Variants in NR2F1-AS1 observed in about 807,000 individuals in gnomAD.
NR2F1-AS1 encodes the protein NR2F1 antisense RNA 1.
intron 4 of NR2F1-AS1, among the ~76,000 whole-genome samples, chr5:93,480,586 G>A (rs1242250748): frequency 1.3e-5 from 2 of 152,044 alleles, no homozygotes; most frequent in Non-Finnish European, 2.9e-5. Flanking sequence ...TAACTACATA[G>A]GTAAATGTAA....
At chr5:93,478,195 A>G (rs1750526744) in intron 4 of NR2F1-AS1, among the ~76,000 whole-genome samples, 1 of 152,196 alleles carries the variant, frequency 6.6e-6, no homozygotes. Context: ...GTAAGTAGAA[A>G]GACATACAAT....
intron 4 of NR2F1-AS1, among the ~76,000 whole-genome samples, chr5:93,448,218 C>T (rs1317579732): frequency 6.6e-6 from 1 of 151,984 alleles, no homozygotes; most frequent in African/African-American, 2.4e-5. Context: ...CTTGCTGACT[C>T]CCACTTATAA....
At chr5:93,452,359 C>A (rs1316278308) in intron 4 of NR2F1-AS1, among the ~76,000 whole-genome samples, 1 of 152,098 alleles carries the variant, frequency 6.6e-6, no homozygotes, top group Non-Finnish European at 1.5e-5. Flanking sequence ...GGAAAACAAA[C>A]TAGCTGAGCC....
chr5:93,436,127 A>G (rs190524637), intron 4 of NR2F1-AS1, among the ~76,000 whole-genome samples: 724 of 152,348 alleles, frequency 4.8e-3, no homozygotes, highest in Non-Finnish European at 7.9e-3. Flanking sequence ...CTTTTCCTAC[A>G]GAACATTCTC....
intron 1 of NR2F1-AS1, among the ~76,000 whole-genome samples, chr5:93,577,077 G>A (rs1247508340): frequency 1.3e-5 from 2 of 152,222 alleles, no homozygotes; most frequent in Non-Finnish European, 2.9e-5. Flanking sequence ...TGCTAAGAAT[G>A]ATTGTCACTT....
chr5:93,494,341 T>C (rs1406743607), intron 4 of NR2F1-AS1, among the ~76,000 whole-genome samples: 1 of 152,154 alleles, frequency 6.6e-6, no homozygotes, highest in East Asian at 1.9e-4. Flanking sequence ...ATAAAAAATG[T>C]TGGCAAGAGC....
chr5:93,485,358 C>A (rs1448046374), intron 4 of NR2F1-AS1, among the ~76,000 whole-genome samples: 3 of 152,190 alleles, frequency 2.0e-5, no homozygotes, highest in African/African-American at 7.2e-5. Flanking sequence ...TGCTGAATGA[C>A]TATTCGGTAA....
intron 4 of NR2F1-AS1, among the ~76,000 whole-genome samples, chr5:93,518,113 T>C (rs1751433683): frequency 6.6e-6 from 1 of 152,046 alleles, no homozygotes; most frequent in Non-Finnish European, 1.5e-5. Context: ...ATTTTTTGAA[T>C]TATTATTATT....
chr5:93,548,928 T>C (rs555897751), intron 4 of NR2F1-AS1, among the ~76,000 whole-genome samples: 269 of 152,224 alleles, frequency 1.8e-3, no homozygotes, highest in Non-Finnish European at 3.2e-3. Context: ...TCTCTCCATT[T>C]CTAATTCCTT....
At chr5:93,508,251 T>C (rs1751226803) in intron 4 of NR2F1-AS1, among the ~76,000 whole-genome samples, 1 of 152,092 alleles carries the variant, frequency 6.6e-6, no homozygotes, top group Admixed American at 6.5e-5. Context: ...CATAATATTG[T>C]CATAGAGATA....
intron 4 of NR2F1-AS1, among the ~76,000 whole-genome samples, chr5:93,524,164 G>A (rs1404955848): frequency 7.9e-5 from 12 of 151,978 alleles, no homozygotes; most frequent in Admixed American, 6.6e-4. Flanking sequence ...GAACATAAAT[G>A]ATCTGATGGA....
intron 4 of NR2F1-AS1, among the ~76,000 whole-genome samples, chr5:93,413,074 G>C (rs2149839248): frequency 8.4e-6 from 1 of 119,166 alleles, no homozygotes; most frequent in Admixed American, 7.8e-5. Flanking sequence ...GTGTGTGTGT[G>C]TGTGTGTGTG....
chr5:93,455,746 A>T (rs971074757), intron 4 of NR2F1-AS1, among the ~76,000 whole-genome samples: 1 of 152,100 alleles, frequency 6.6e-6, no homozygotes, highest in Non-Finnish European at 1.5e-5. Context: ...ACAAAGGATC[A>T]TCTCAAAAGA....
chr5:93,558,257 T>A (rs964075045), intron 2 of NR2F1-AS1, among the ~76,000 whole-genome samples: 1 of 152,114 alleles, frequency 6.6e-6, no homozygotes, highest in Non-Finnish European at 1.5e-5. Flanking sequence ...TTCAATTGAC[T>A]TTGCCCAGAT....
chr5:93,556,078 A>G, intron 2 of NR2F1-AS1, among the ~76,000 whole-genome samples: 1 of 152,120 alleles, frequency 6.6e-6, no homozygotes, highest in East Asian at 1.9e-4. Flanking sequence ...CACTATCCCT[A>G]AAGTATTTAT....
intron 2 of NR2F1-AS1, among the ~76,000 whole-genome samples, chr5:93,561,577 A>G (rs1403452253): frequency 1.3e-5 from 2 of 152,062 alleles, no homozygotes; most frequent in Admixed American, 6.5e-5. Context: ...GTTCAAGACC[A>G]GTCCAGGCAA....
At chr5:93,493,938 T>A (rs1231068140) in intron 4 of NR2F1-AS1, among the ~76,000 whole-genome samples, 1 of 152,144 alleles carries the variant, frequency 6.6e-6, no homozygotes, top group Non-Finnish European at 1.5e-5. Flanking sequence ...TTAGATTTGG[T>A]AATGGATTCC....
intron 4 of NR2F1-AS1, among the ~76,000 whole-genome samples, chr5:93,477,346 T>C (rs1425636082): frequency 6.6e-6 from 1 of 152,168 alleles, no homozygotes; most frequent in Non-Finnish European, 1.5e-5. Flanking sequence ...AAACTATTTG[T>C]TTCTTAGTAG....
intron 4 of NR2F1-AS1, chr5:93,410,476 T>A (rs879543950): frequency 1.3e-5 from 2 of 152,494 alleles, no homozygotes; most frequent in Admixed American, 1.3e-4. Context: ...GAGTTCTGCC[T>A]CCTGTCAGAT....
Sources: allele counts gnomAD v4.1 joint callset (sites outside exome capture counted in the v4.1 genomes callset), GRCh38; gene constraint gnomAD v4.1.1; transcripts MANE v1.5; gene names NCBI Gene and HGNC (gene_info 2026-07-23, HGNC 2026-07-21).